The following CHSY3 variants were observed in gnomAD, a reference collection of about 807,000 sequenced individuals.
The protein encoded by CHSY3 is N-acetylgalactosaminyl-proteoglycan 3-beta-glucuronosyltransferase 3.
Under a neutral mutation model 67.2 loss-of-function variants are expected in CHSY3, and 35 were observed. The ratio of observed to expected loss-of-function variants is 0.52; its 90% CI spans 0.40 to 0.69. The LOEUF is 0.69. Ranked by LOEUF, CHSY3 falls within the 30% of genes least tolerant of loss-of-function variation. CHSY3 has a pLI of 0.00. For missense variants in CHSY3, 1,069 were observed against 1,138.5 expected (o/e 0.94, Z 0.88); for synonymous variants, 474 against 434.7 (o/e 1.09, Z -1.12).
chr5:130,178,193 ATATATATT>A (rs1407854613), intron 2 of CHSY3, among the ~76,000 whole-genome samples: 8 of 114,150 alleles, frequency 7.0e-5, no homozygotes, highest in African/African-American at 2.6e-4. Context: ...GTGTGTATAT[ATATATATT>A]TATATATATA....
At chr5:130,000,732 CTTTTTTTTT>C (rs71000946) in intron 2 of CHSY3, among the ~76,000 whole-genome samples, 239 of 76,480 alleles carry the variant, frequency 3.1e-3, no homozygotes, top group African/African-American at 8.3e-3. Flanking sequence ...AACTTTTCTT[CTTTTTTTTT>C]TTTTTTTTTT....
At chr5:130,073,919 G>A (rs756438994) in intron 2 of CHSY3, among the ~76,000 whole-genome samples, 1 of 152,156 alleles carries the variant, frequency 6.6e-6, no homozygotes, top group African/African-American at 2.4e-5. Flanking sequence ...CAAGTTCATA[G>A]AACTAGTATG....
At chr5:129,972,866 G>C (rs1762683424) in intron 2 of CHSY3, among the ~76,000 whole-genome samples, 1 of 151,886 alleles carries the variant, frequency 6.6e-6, no homozygotes, top group South Asian at 2.1e-4. Context: ...TCTTCTCATG[G>C]CTGTCTTCTC....
chr5:129,935,594 C>G (rs3910212), intron 2 of CHSY3, among the ~76,000 whole-genome samples: 5,013 of 152,168 alleles, frequency 0.033, 127 homozygotes, highest in Middle Eastern at 0.079. Context: ...AATTGAAGTG[C>G]TTGAACAAAA....
chr5:130,150,031 C>G (rs1769188529), intron 2 of CHSY3, among the ~76,000 whole-genome samples: 1 of 152,098 alleles, frequency 6.6e-6, no homozygotes, highest in Admixed American at 6.5e-5. Flanking sequence ...AATGATGGCT[C>G]TCGTGTGATT....
At chr5:130,070,287 A>G (rs1766016930) in intron 2 of CHSY3, among the ~76,000 whole-genome samples, 1 of 152,156 alleles carries the variant, frequency 6.6e-6, no homozygotes, top group South Asian at 2.1e-4. Flanking sequence ...ATAAAATGTT[A>G]AAAGAAATGA....
intron 2 of CHSY3, among the ~76,000 whole-genome samples, chr5:130,143,064 G>T (rs17165573): frequency 2.0e-5 from 3 of 152,218 alleles, no homozygotes; most frequent in South Asian, 2.1e-4. Flanking sequence ...TCACCATAGC[G>T]CATTGCTAGC....
chr5:130,096,950 G>A (rs1408575178), intron 2 of CHSY3, among the ~76,000 whole-genome samples: 1 of 152,062 alleles, frequency 6.6e-6, no homozygotes, highest in African/African-American at 2.4e-5. Flanking sequence ...TATTCGTTTT[G>A]TGATCTATAA....
At position 130,143,771 on chromosome 5, in the gene CHSY3, TATATATATATG is replaced by T. The variant is rs1768964201; in HGVS notation, c.1087-40457_1087-40447del. Among the ~76,000 whole-genome samples, 3 of 89,698 alleles carry T rather than the reference TATATATATATG, an allele frequency of 3.3e-5. No homozygotes were observed. The South Asian group carries it at 1.5e-3, about 45-fold the overall frequency. The allele number at this position is 89,698 out of a possible 152,430, so 58.8% of individuals were successfully genotyped here. ...ATATATATATATGTGTGTGTGTGTA[TATATATATATG>T]TGTATATATATATATATATATATGT... On this transcript the variant is annotated intron_variant, in intron 2 of 2. Transcript: ENST00000305031.
At chr5:129,968,899 T>A (rs529057921) in intron 2 of CHSY3, among the ~76,000 whole-genome samples, 1 of 151,952 alleles carries the variant, frequency 6.6e-6, no homozygotes, top group South Asian at 2.1e-4. Flanking sequence ...CACAGTTAAC[T>A]GAGTCAGAAT....
rs1182354914 is a variant in CHSY3, at chr5:130,000,726, T to TTTC, written c.1086+92372_1086+92374dup. On this transcript the variant is annotated intron_variant, in intron 2 of 2. Coordinates refer to ENST00000305031, the MANE Select transcript of CHSY3 (RefSeq NM_175856.5). ...TAGCTGGGACTACAAATGTGTAACTTTTCTTCTTTTTTTTTTTTTTTTTTT... is the reference window on the plus strand; with the variant it reads ...TAGCTGGGACTACAAATGTGTAACTTTTCTTCTTCTTTTTTTTTTTTTTTTTTT... Among the ~76,000 whole-genome samples the TTTC allele has an allele frequency of 4.2e-3, 540 of 127,328 alleles. 4 individuals are homozygous for TTTC. Among genetic ancestry groups the TTTC allele is most frequent in the Non-Finnish European group, 6.3e-3 (391 of 61,776 alleles). The allele number at this position is 127,328 out of a possible 152,430, so 83.5% of individuals were successfully genotyped here.
intron 2 of CHSY3, among the ~76,000 whole-genome samples, chr5:130,084,040 G>C (rs140476799): frequency 1.5e-4 from 22 of 151,498 alleles, no homozygotes; most frequent in Non-Finnish European, 2.4e-4. Flanking sequence ...ATAACTAATC[G>C]TGTTAAACCA....
At chr5:130,180,075 T>C (rs890391821) in intron 2 of CHSY3, among the ~76,000 whole-genome samples, 6 of 152,160 alleles carry the variant, frequency 3.9e-5, no homozygotes, top group African/African-American at 1.4e-4. Context: ...AAATGCAGAG[T>C]AAGTTTTATG....
intron 2 of CHSY3, among the ~76,000 whole-genome samples, chr5:130,100,380 AG>A (rs775118334): frequency 1.4e-5 from 2 of 144,564 alleles, no homozygotes; most frequent in Admixed American, 6.9e-5. Flanking sequence ...TATTTTTAGT[AG>A]AGACGGGCTT....
intron 2 of CHSY3, among the ~76,000 whole-genome samples, chr5:130,093,805 C>G (rs1026035225): frequency 6.6e-6 from 1 of 152,026 alleles, no homozygotes; most frequent in Non-Finnish European, 1.5e-5. Flanking sequence ...TGGTAACCAC[C>G]AGGAAGCTTG....
At chr5:129,983,330 G>A (rs1279807525) in intron 2 of CHSY3, among the ~76,000 whole-genome samples, 1 of 152,074 alleles carries the variant, frequency 6.6e-6, no homozygotes, top group African/African-American at 2.4e-5. Flanking sequence ...CACAGAGACA[G>A]TGTGATTAGG....
chr5:129,915,459 A>T (rs1467177344), intron 2 of CHSY3, among the ~76,000 whole-genome samples: 2 of 152,222 alleles, frequency 1.3e-5, no homozygotes, highest in Non-Finnish European at 2.9e-5. Flanking sequence ...AAATTAACTG[A>T]ATCAAAATAA....
chr5:130,076,841 G>C (rs1030669295), intron 2 of CHSY3, among the ~76,000 whole-genome samples: 5 of 150,206 alleles, frequency 3.3e-5, no homozygotes, highest in Non-Finnish European at 7.4e-5. Flanking sequence ...GTAAACTATC[G>C]CAAGAACAAA....
intron 2 of CHSY3, among the ~76,000 whole-genome samples, chr5:130,058,116 T>C (rs1580692701): frequency 6.6e-6 from 1 of 152,178 alleles, no homozygotes; most frequent in Non-Finnish European, 1.5e-5. Context: ...GTCATGACTC[T>C]AGAGATAGCC....
Sources: gnomAD v4.1 joint callset for allele counts (sites outside exome capture counted in the v4.1 genomes callset) on GRCh38, gnomAD v4.1.1 for gene constraint, MANE v1.5 for transcripts, NCBI Gene and HGNC (gene_info 2026-07-23, HGNC 2026-07-21) for gene names.